TM6SF2: variants seen among roughly 807,000 people sequenced by gnomAD.
TM6SF2 encodes the protein transmembrane 6 superfamily member 2.
Under a neutral mutation model 41.0 loss-of-function variants are expected in TM6SF2, and 29 were observed. The ratio of observed to expected loss-of-function variants is 0.71; its 90% CI spans 0.53 to 0.96. The LOEUF (loss-of-function observed/expected upper bound fraction) is 0.96, where lower values mean the gene tolerates loss of function less well. Among genes scored for constraint, TM6SF2 ranks in the 50% least tolerant of loss-of-function variants. TM6SF2 has a pLI of 0.00. For missense variants in TM6SF2, 475 were observed against 499.0 expected, an observed-to-expected ratio of 0.95 and a Z score of 0.46; for synonymous variants, 200 against 209.1, an observed-to-expected ratio of 0.96 and a Z score of 0.37.
At chr19:19,268,266 C>T (rs1407910017) in intron 6 of TM6SF2, among the ~76,000 whole-genome samples, 179 bp from the exon 7 acceptor site, 2 of 148,344 alleles carry the variant, frequency 1.3e-5, no homozygotes, top group East Asian at 2.0e-4. Context: ...AGTGAAGCAG[C>T]ACAGTCTCAG....
chr19:19,273,058 T>TCCAAC (rs2061030082), intron 1 of TM6SF2, 63 bp downstream of exon 1: 4 of 470,232 alleles, frequency 8.5e-6, no homozygotes, highest in East Asian at 4.1e-5. Flanking sequence ...CCACCTCCAG[T>TCCAAC]CCTCCCCGCC....
chr19:19,268,286 G>A (rs1357079757), intron 6 of TM6SF2, among the ~76,000 whole-genome samples, 199 bp from the exon 7 acceptor site: 2 of 148,890 alleles, frequency 1.3e-5, no homozygotes, highest in Non-Finnish European at 3.0e-5. Flanking sequence ...GCTCACTGCA[G>A]CCTTAATCTC....
In TM6SF2 at chr19:19,264,697, G is replaced by T. The variant is rs374568040; in HGVS notation, c.1101C>A (p.Ser367=). The T allele has an allele frequency of 3.2e-6, 5 of 1,575,676 alleles. No homozygotes were observed. The highest frequency in any genetic ancestry group is 4.3e-6 in the Non-Finnish European group (5 of 1,159,658). The change falls in exon 10 of 10, where the codon TCC becomes TCA. Residue 367 remains serine (S), a synonymous_variant. Transcript: ENST00000389363. ...GCTTCTTGTGGAGGGCTAGGGGGTC[G>T]GAGGGTGGTGGCTGGTGGAAGAATG... The part of the protein sequence containing the change: ...WPAFFHQPPP[S]DPLALHKKQH
intron 8 of TM6SF2, among the ~76,000 whole-genome samples, chr19:19,266,953 G>T (rs1010646277): frequency 6.6e-6 from 1 of 152,200 alleles, no homozygotes; most frequent in African/African-American, 2.4e-5. Flanking sequence ...TAAGCTCGGG[G>T]GTAATAAGGG....
chr19:19,272,921 C>T (rs1393983726), intron 1 of TM6SF2, among the ~76,000 whole-genome samples, 200 bp downstream of exon 1: 3 of 152,114 alleles, frequency 2.0e-5, no homozygotes, highest in Non-Finnish European at 2.9e-5. Flanking sequence ...TCCAGCCCGG[C>T]GGGAAGGGGA....
At chr19:19,265,909 A>G (rs1002170024) in intron 9 of TM6SF2, among the ~76,000 whole-genome samples, 13 of 152,048 alleles carry the variant, frequency 8.5e-5, no homozygotes, top group African/African-American at 3.1e-4. Context: ...AATCCTGTGG[A>G]TTCTAAATGT....
chr19:19,264,795 A>G lies in TM6SF2; in HGVS notation c.1003T>C (p.Cys335Arg). ...TACAGCAGATTGCACACGAAGAAGC[A>G]GCCCCAGGTGTCCTCAGGCACACGG... ...TYRVPEDTWG[C>R]FFVCNLLYAL... is the part of the protein sequence containing the mutation. The change falls in exon 10 of 10, where the codon TGC becomes CGC. Residue 335 changes from cysteine (C) to arginine (R), a missense_variant. Cys to Arg is a radical substitution (Grantham distance 180). Coordinates refer to ENST00000389363, the MANE Select transcript of TM6SF2 (RefSeq NM_001001524.3). 1 of 1,609,518 alleles carries G rather than the reference A, an allele frequency of 6.2e-7. No homozygotes were observed. The highest frequency in any genetic ancestry group is 8.5e-7 in the Non-Finnish European group (1 of 1,178,104).
intron 9 of TM6SF2, among the ~76,000 whole-genome samples, chr19:19,266,151 C>T (rs2061002368): frequency 6.6e-6 from 1 of 152,128 alleles, no homozygotes; most frequent in South Asian, 2.1e-4. Flanking sequence ...GTCACTCTCT[C>T]CCTCTGTGCT....
intron 9 of TM6SF2, among the ~76,000 whole-genome samples, chr19:19,265,310 A>G (rs972954085): frequency 2.6e-5 from 4 of 151,964 alleles, no homozygotes; most frequent in African/African-American, 9.7e-5. Flanking sequence ...GGCCTCCCAA[A>G]GTGCTAGGAT....
Sources: allele counts gnomAD v4.1 joint callset (sites outside exome capture counted in the v4.1 genomes callset), GRCh38; gene constraint gnomAD v4.1.1; transcripts MANE v1.5; gene names NCBI Gene and HGNC (gene_info 2026-07-23, HGNC 2026-07-21).